The following PGCKA1 variants were observed in gnomAD, a reference collection of about 807,000 sequenced individuals.
PGCKA1 encodes PDCD10 and GCKIII kinases-associated protein 1.
the PGCKA1 span, among the ~76,000 whole-genome samples, chr4:37,532,067 CTT>C: frequency 1.3e-5 from 2 of 152,136 alleles, no homozygotes; most frequent in African/African-American, 2.4e-5. Flanking sequence ...TGTTCAGTGA[CTT>C]AACATTGCTA....
At chr4:37,509,850 G>A in the PGCKA1 span, among the ~76,000 whole-genome samples, 9,019 of 150,958 alleles carry the variant, frequency 0.06, 353 homozygotes, top group Middle Eastern at 0.088. Context: ...GCAATCCCAG[G>A]CACTCTGCAG....
chr4:37,471,820 T>C, the PGCKA1 span, among the ~76,000 whole-genome samples: 1 of 152,088 alleles, frequency 6.6e-6, no homozygotes, highest in Non-Finnish European at 1.5e-5. Context: ...ATTGGCTATA[T>C]ACAATTTTAA....
At chr4:37,561,826 T>C in the PGCKA1 span, among the ~76,000 whole-genome samples, 11 of 152,236 alleles carry the variant, frequency 7.2e-5, no homozygotes, top group Non-Finnish European at 1.5e-4. Context: ...TTATGTGTGT[T>C]TCAGTTGTTA....
chr4:37,545,406 A>G, the PGCKA1 span, among the ~76,000 whole-genome samples: 1 of 152,192 alleles, frequency 6.6e-6, no homozygotes, highest in Non-Finnish European at 1.5e-5. Context: ...TCTTTGGCTG[A>G]GACGGAAAGT....
the PGCKA1 span, chr4:37,588,689 AC>A: frequency 3.5e-6 from 2 of 575,732 alleles, no homozygotes; most frequent in South Asian, 4.5e-5. Context: ...ATTCCTGGTA[AC>A]CAGCACCCTC....
At chr4:37,496,738 G>A in the PGCKA1 span, among the ~76,000 whole-genome samples, 5 of 152,134 alleles carry the variant, frequency 3.3e-5, no homozygotes, top group African/African-American at 9.7e-5. Context: ...AGCATGGAAT[G>A]TTTTTCCATT....
chr4:37,548,672 A>T, the PGCKA1 span, among the ~76,000 whole-genome samples: 1 of 152,382 alleles, frequency 6.6e-6, no homozygotes, highest in East Asian at 1.9e-4. Flanking sequence ...AATTTAGTTT[A>T]TCTGGTATAA....
At chr4:37,588,092 T>C in the PGCKA1 span, 1 of 152,240 alleles carries the variant, frequency 6.6e-6, no homozygotes, top group Non-Finnish European at 1.5e-5. Flanking sequence ...GTCAGTTTTA[T>C]ATGAAGAGAA....
At chr4:37,493,736 C>A in the PGCKA1 span, among the ~76,000 whole-genome samples, 1 of 152,148 alleles carries the variant, frequency 6.6e-6, no homozygotes, top group Non-Finnish European at 1.5e-5. Context: ...GCCCCACTAC[C>A]CTTCTCAGCC....
chr4:37,499,542 G>A, the PGCKA1 span, among the ~76,000 whole-genome samples: 1 of 152,122 alleles, frequency 6.6e-6, no homozygotes, highest in Admixed American at 6.5e-5. Context: ...GAGAGGCTGT[G>A]TCCAGGAATT....
chr4:37,498,381 G>A, the PGCKA1 span, among the ~76,000 whole-genome samples: 3 of 152,050 alleles, frequency 2.0e-5, no homozygotes, highest in African/African-American at 4.8e-5. Context: ...TGCTTTGGCT[G>A]TGTGGGATCT....
the PGCKA1 span, among the ~76,000 whole-genome samples, chr4:37,458,534 T>C: frequency 6.6e-6 from 1 of 152,134 alleles, no homozygotes; most frequent in Admixed American, 6.5e-5. Flanking sequence ...GCTCTGCCTC[T>C]GAGTATTGGC....
the PGCKA1 span, among the ~76,000 whole-genome samples, chr4:37,551,978 G>A: frequency 1.3e-5 from 2 of 152,308 alleles, no homozygotes; most frequent in Non-Finnish European, 2.9e-5. Context: ...AGTCTCAAAG[G>A]GGGGAAATGA....
At chr4:37,493,012 A>C in the PGCKA1 span, among the ~76,000 whole-genome samples, 3 of 151,986 alleles carry the variant, frequency 2.0e-5, no homozygotes, top group Admixed American at 1.3e-4. Flanking sequence ...AGTTATTGAT[A>C]TGTGTGTGTG....
chr4:37,559,292 T>C, the PGCKA1 span, among the ~76,000 whole-genome samples: 3 of 127,330 alleles, frequency 2.4e-5, no homozygotes, highest in Non-Finnish European at 4.9e-5. Flanking sequence ...ATGCCCTTTG[T>C]AGGGACATGG....
At chr4:37,493,667 T>C in the PGCKA1 span, among the ~76,000 whole-genome samples, 1 of 152,236 alleles carries the variant, frequency 6.6e-6, no homozygotes, top group Admixed American at 6.5e-5. Flanking sequence ...TATTTGTTCT[T>C]TTTAATGATT....
At chr4:37,481,879 T>G in the PGCKA1 span, among the ~76,000 whole-genome samples, 4 of 152,282 alleles carry the variant, frequency 2.6e-5, no homozygotes, top group South Asian at 8.3e-4. Flanking sequence ...GCAGTTTCCC[T>G]TATGCTATTC....
the PGCKA1 span, among the ~76,000 whole-genome samples, chr4:37,475,247 C>G: frequency 6.6e-6 from 1 of 152,120 alleles, no homozygotes; most frequent in African/African-American, 2.4e-5. Flanking sequence ...TCTAACATTT[C>G]CTCCTTCCCT....
chr4:37,488,331 G>A, the PGCKA1 span, among the ~76,000 whole-genome samples: 1 of 152,144 alleles, frequency 6.6e-6, no homozygotes, highest in African/African-American at 2.4e-5. Flanking sequence ...ATCAAGATTT[G>A]GAACATTGTA....
Sources: gnomAD v4.1 joint callset for allele counts (sites outside exome capture counted in the v4.1 genomes callset) on GRCh38, gnomAD v4.1.1 for gene constraint, MANE v1.5 for transcripts, NCBI Gene and HGNC (gene_info 2026-07-23, HGNC 2026-07-21) for gene names.